RBPJ: variants seen among roughly 807,000 people sequenced by gnomAD.
RBPJ encodes the protein recombining binding protein suppressor of hairless.
RBPJ carries 9 observed loss-of-function variants against 67.8 expected under a neutral mutation model. That is an observed-to-expected ratio of 0.13 (90% CI 0.08 to 0.23). RBPJ has a LOEUF of 0.23. RBPJ is among the 10% of genes least tolerant of loss of function. The pLI, the probability that RBPJ is intolerant of heterozygous loss-of-function variation, is 1.00. For synonymous variants in RBPJ, 198 were observed against 203.3 expected (o/e 0.97, Z 0.22); for missense variants, 305 against 595.6 (o/e 0.51, Z 5.08).
chr4:26,124,721 C>T, the RBPJ span, among the ~76,000 whole-genome samples: 3 of 151,690 alleles, frequency 2.0e-5, no homozygotes, highest in Non-Finnish European at 4.4e-5. Context: ...AGAAGTGTTC[C>T]GTTTACCGCA....
chr4:26,226,095 G>A (rs1346685720), intron 1 of RBPJ, among the ~76,000 whole-genome samples: 1 of 149,580 alleles, frequency 6.7e-6, no homozygotes, highest in Admixed American at 6.7e-5. Context: ...GTTGCAGTGA[G>A]CCAAGATCAT....
At chr4:26,180,089 G>A (rs1250367443) in intron 1 of RBPJ, among the ~76,000 whole-genome samples, 1 of 152,064 alleles carries the variant, frequency 6.6e-6, no homozygotes, top group Non-Finnish European at 1.5e-5. Context: ...ACCAAATACT[G>A]CGTGTTCTGA....
intron 1 of RBPJ, among the ~76,000 whole-genome samples, chr4:26,357,241 T>C (rs1199417151): frequency 6.6e-6 from 1 of 152,130 alleles, no homozygotes; most frequent in Non-Finnish European, 1.5e-5. Flanking sequence ...GGATAGGTGA[T>C]TGACTATAGG....
rs138836847 is a variant in RBPJ, at chr4:26,298,994, G to T, written c.-166-63452G>T. 3.9e-3 allele frequency among the ~76,000 whole-genome samples: 597 copies of T among 152,212 alleles called. 6 individuals are homozygous for T. The highest frequency in any genetic ancestry group is 0.014 in the African/African-American group (576 of 41,512). ...AGGTAGGTCAGAGAAAGCTGAATTC[G>T]TACCTCCGAAAATGCACGCTTTCCT... On this transcript the variant is annotated intron_variant, in intron 1 of 4. Transcript: ENST00000512351.
chr4:26,304,272 T>G (rs1197110526), intron 1 of RBPJ, among the ~76,000 whole-genome samples: 1 of 152,256 alleles, frequency 6.6e-6, no homozygotes, highest in East Asian at 1.9e-4. Context: ...TTTGCATTGC[T>G]TCCACTTTGG....
At chr4:26,273,778 G>A (rs557806368) in intron 1 of RBPJ, among the ~76,000 whole-genome samples, 1 of 152,186 alleles carries the variant, frequency 6.6e-6, no homozygotes, top group African/African-American at 2.4e-5. Flanking sequence ...AGCCATTCCC[G>A]GTGCCCCTTG....
At chr4:26,419,129 C>T (rs184305132) in intron 4 of RBPJ, among the ~76,000 whole-genome samples, 1 of 152,204 alleles carries the variant, frequency 6.6e-6, no homozygotes, top group African/African-American at 2.4e-5. Flanking sequence ...CAGGCATGCA[C>T]CACCATGCCT....
intron 1 of RBPJ, chr4:26,272,725 G>C (rs1720954851): frequency 2.2e-6 from 1 of 453,638 alleles, no homozygotes; most frequent in Non-Finnish European, 4.4e-6. Flanking sequence ...ACTTTTCTCT[G>C]TCCTTGGGGT....
At chr4:26,356,913 A>G (rs1400864126) in intron 1 of RBPJ, among the ~76,000 whole-genome samples, 2 of 152,202 alleles carry the variant, frequency 1.3e-5, no homozygotes, top group Non-Finnish European at 1.5e-5. Context: ...GTGTCTGAGA[A>G]TCGAATAGAT....
intron 2 of RBPJ, among the ~76,000 whole-genome samples, chr4:26,398,743 A>G (rs1732433053): frequency 6.6e-6 from 1 of 152,042 alleles, no homozygotes; most frequent in Non-Finnish European, 1.5e-5. Context: ...CCTCCCAAGT[A>G]GCTCAGACTA....
In RBPJ at chr4:26,424,618, C is replaced by T; in HGVS notation, c.635-13C>T. On this transcript the variant is annotated splice_polypyrimidine_tract_variant and intron_variant, in intron 6 of 10. Transcript: ENST00000355476. The surrounding 1 kb of genome is among the most constrained non-coding windows in gnomAD (Gnocchi z 5.3). ...AAAGATGACAATTTGATTTATTTTT[C>T]CACCTACTGCAGTGGATGATGATGA... 6.3e-7 allele frequency: 1 copy of T among 1,578,774 alleles called. No individual in the cohort carries two copies. The highest frequency in any genetic ancestry group is 8.7e-7 in the Non-Finnish European group (1 of 1,154,912).
chr4:26,196,134 G>T (rs1345123523), intron 1 of RBPJ, among the ~76,000 whole-genome samples: 1 of 152,156 alleles, frequency 6.6e-6, no homozygotes, highest in Non-Finnish European at 1.5e-5. Context: ...TAAGTGAGTG[G>T]TCATAGCAGC....
At chr4:26,316,425 A>G (rs1271434103), upstream of RBPJ, among the ~76,000 whole-genome samples, 2 of 144,948 alleles carry the variant, frequency 1.4e-5, no homozygotes, top group Non-Finnish European at 3.0e-5. Flanking sequence ...TCATATATAC[A>G]TTCATATATA....
At chr4:26,215,406 G>GGGA (rs1577482486) in intron 1 of RBPJ, among the ~76,000 whole-genome samples, 8,545 of 72,220 alleles carry the variant, frequency 0.12, 739 homozygotes, top group African/African-American at 0.23. Flanking sequence ...AGGAAGGGGG[G>GGGA]GGAAGGAAGG....
upstream of RBPJ, among the ~76,000 whole-genome samples, chr4:26,159,840 G>C (rs1022684009): frequency 6.6e-6 from 1 of 152,048 alleles, no homozygotes; most frequent in Non-Finnish European, 1.5e-5. Flanking sequence ...TTTCAAGATG[G>C]TACCAGCAGT....
intron 1 of RBPJ, among the ~76,000 whole-genome samples, chr4:26,343,375 A>G (rs761686311): frequency 2.6e-5 from 4 of 152,188 alleles, no homozygotes; most frequent in Non-Finnish European, 5.9e-5. Flanking sequence ...TTTTGCTCAC[A>G]GTAGCTACTG....
chr4:26,160,887 G>C (rs1445445894), upstream of RBPJ, among the ~76,000 whole-genome samples: 1 of 152,184 alleles, frequency 6.6e-6, no homozygotes, highest in Non-Finnish European at 1.5e-5. Flanking sequence ...GTCTATTGAG[G>C]GGAAAGGGGC....
At chr4:26,339,729 A>G (rs1021685129) in intron 1 of RBPJ, among the ~76,000 whole-genome samples, 1 of 152,004 alleles carries the variant, frequency 6.6e-6, no homozygotes, top group Admixed American at 6.6e-5. Flanking sequence ...AAGTTACATT[A>G]GAACACTTCT....
At chr4:26,144,554 G>A in the RBPJ span, among the ~76,000 whole-genome samples, 1 of 152,178 alleles carries the variant, frequency 6.6e-6, no homozygotes, top group Non-Finnish European at 1.5e-5. Flanking sequence ...ACAGATGTGA[G>A]TCACTGCACC....
Sources: allele counts gnomAD v4.1 joint callset (sites outside exome capture counted in the v4.1 genomes callset), GRCh38; gene constraint gnomAD v4.1.1; non-coding constraint Gnocchi (gnomAD v3.1); transcripts MANE v1.5; gene names NCBI Gene and HGNC (gene_info 2026-07-23, HGNC 2026-07-21).